IQCM: variants seen among roughly 807,000 people sequenced by gnomAD.
IQCM encodes IQ domain-containing protein M.
In IQCM, 45 loss-of-function variants were observed where a neutral mutation model predicts 57.6. The observed-to-expected ratio is 0.78, with a 90% CI of 0.62 to 1.00. The LOEUF is 1.00. Among genes scored for constraint, IQCM ranks in the 50% least tolerant of loss-of-function variants. The pLI, the probability that IQCM is intolerant of heterozygous loss-of-function variation, is 0.00. For synonymous variants in IQCM, 148 were observed against 158.9 expected, an observed-to-expected ratio of 0.93 and a Z score of 0.51; for missense variants, 468 against 511.6, an observed-to-expected ratio of 0.91 and a Z score of 0.82.
Position 149,484,035 on chromosome 4 carries a change from G to A in IQCM, c.1229-50478C>T, listed in dbSNP as rs376025493. Among the ~76,000 whole-genome samples, 29 of 151,690 alleles carry A rather than the reference G, an allele frequency of 1.9e-4. No individual in the cohort carries two copies. In the Middle Eastern group the frequency reaches 0.01, roughly 53 times the overall value. Reference sequence around the variant, plus strand: ...TCATAATGTAGTGACCTTCTTTGTCGCTTCTTACAGTTTTTGTCTTGAAAT... The same window carrying A: ...TCATAATGTAGTGACCTTCTTTGTCACTTCTTACAGTTTTTGTCTTGAAAT... On this transcript the variant is annotated intron_variant, in intron 12 of 13. Transcript: ENST00000636793.
At chr4:149,523,824 A>G (rs1745898865) in intron 12 of IQCM, among the ~76,000 whole-genome samples, 2 of 152,152 alleles carry the variant, frequency 1.3e-5, no homozygotes, top group Admixed American at 1.3e-4. Flanking sequence ...TAATATAAAG[A>G]AAAATCCAAT....
intron 2 of IQCM, among the ~76,000 whole-genome samples, chr4:149,808,413 T>C (rs888587944): frequency 1.3e-5 from 2 of 152,012 alleles, no homozygotes; most frequent in Admixed American, 6.6e-5. Flanking sequence ...ACAGAAGGGA[T>C]GAAGAAAAGT....
At chr4:149,357,354 C>T (rs982173946) in intron 13 of IQCM, among the ~76,000 whole-genome samples, 1 of 152,130 alleles carries the variant, frequency 6.6e-6, no homozygotes, top group African/African-American at 2.4e-5. Flanking sequence ...CAGTTTTTGT[C>T]CATTCAGTAT....
intron 12 of IQCM, among the ~76,000 whole-genome samples, chr4:149,484,802 C>A (rs113382853): frequency 6.6e-6 from 1 of 151,896 alleles, no homozygotes; most frequent in Admixed American, 6.6e-5. Context: ...TACCTTCAGA[C>A]GATTTTTTCT....
In IQCM at chr4:149,601,237, C is replaced by G. The variant is rs572710963; in HGVS notation, c.682-13240G>C. Reference sequence around the variant, plus strand: ...AGATTAGAATCTTTCTAACAAATTCCTAGGTGATAACAATGCTACTGACCC... The same window carrying G: ...AGATTAGAATCTTTCTAACAAATTCGTAGGTGATAACAATGCTACTGACCC... On this transcript the variant is annotated intron_variant, in intron 8 of 13. Transcript: ENST00000636793. Among the ~76,000 whole-genome samples, 236 of 151,012 alleles carry G rather than the reference C, an allele frequency of 1.6e-3. 1 individual carries two copies. The highest frequency in any genetic ancestry group is 5.6e-3 in the African/African-American group (229 of 41,118).
At chr4:149,406,478 G>GGAAAA (rs1433858457) in intron 13 of IQCM, among the ~76,000 whole-genome samples, 1 of 152,088 alleles carries the variant, frequency 6.6e-6, no homozygotes, top group African/African-American at 2.4e-5. Flanking sequence ...AGGGAGCATG[G>GGAAAA]GAAAAGCAAG....
intron 12 of IQCM, among the ~76,000 whole-genome samples, chr4:149,485,132 G>T (rs1057507862): frequency 2.6e-5 from 4 of 151,792 alleles, no homozygotes; most frequent in Non-Finnish European, 5.9e-5. Flanking sequence ...TGATACTTTT[G>T]GGATCCTTTA....
At chr4:149,714,544 T>A (rs543017404) in intron 5 of IQCM, among the ~76,000 whole-genome samples, 263 of 152,266 alleles carry the variant, frequency 1.7e-3, no homozygotes, top group African/African-American at 5.2e-3. Flanking sequence ...TATCTGAGGG[T>A]GGATACATTG....
chr4:149,685,952 G>A (rs1004591755), intron 6 of IQCM, among the ~76,000 whole-genome samples: 1 of 151,520 alleles, frequency 6.6e-6, no homozygotes, highest in Non-Finnish European at 1.5e-5. Context: ...ATGTTCTGTA[G>A]AACCAGTGTC....
At chr4:149,441,841 C>T (rs867618237) in intron 12 of IQCM, among the ~76,000 whole-genome samples, 13 of 152,100 alleles carry the variant, frequency 8.5e-5, no homozygotes, top group Middle Eastern at 3.2e-3. Context: ...GCAGTATTGA[C>T]AGGTGGGACT....
intron 3 of IQCM, among the ~76,000 whole-genome samples, chr4:149,736,757 A>T (rs910858142): frequency 6.6e-6 from 1 of 152,214 alleles, no homozygotes; most frequent in Non-Finnish European, 1.5e-5. Context: ...AAAATAGCAT[A>T]ATCAGTTTGG....
At chr4:149,486,762 A>G (rs1054560066) in intron 12 of IQCM, among the ~76,000 whole-genome samples, 1 of 151,998 alleles carries the variant, frequency 6.6e-6, no homozygotes, top group Non-Finnish European at 1.5e-5. Context: ...CAAACAAACA[A>G]AAAAGCCCAA....
chr4:149,690,403 T>C (rs1164729445), intron 5 of IQCM, among the ~76,000 whole-genome samples: 9 of 149,414 alleles, frequency 6.0e-5, no homozygotes, highest in Admixed American at 4.7e-4. Context: ...AATGATACAA[T>C]GGACTTTGGG....
chr4:149,789,324 T>G (rs1772361216), intron 2 of IQCM, among the ~76,000 whole-genome samples: 1 of 152,152 alleles, frequency 6.6e-6, no homozygotes, highest in Admixed American at 6.5e-5. Context: ...TCAGTAATTA[T>G]AAATTCTATT....
chr4:149,563,940 T>C, intron 9 of IQCM, 50 bp from the exon 10 acceptor site: 1 of 882,166 alleles, frequency 1.1e-6, no homozygotes, highest in Non-Finnish European at 1.5e-6. Context: ...AAATTAACCT[T>C]CCACAAACAG....
At chr4:149,779,520 A>G (rs749077981) in intron 2 of IQCM, among the ~76,000 whole-genome samples, 3 of 152,174 alleles carry the variant, frequency 2.0e-5, no homozygotes, top group Non-Finnish European at 4.4e-5. Context: ...CTTTTCAATA[A>G]ATGATACTAG....
chr4:149,488,221 T>C (rs973681840), intron 12 of IQCM, among the ~76,000 whole-genome samples: 4 of 152,144 alleles, frequency 2.6e-5, no homozygotes, highest in Admixed American at 2.0e-4. Context: ...CTATGCAATA[T>C]TTATCTATTA....
intron 12 of IQCM, among the ~76,000 whole-genome samples, chr4:149,442,179 G>A (rs1736008753): frequency 6.6e-6 from 1 of 152,078 alleles, no homozygotes; most frequent in South Asian, 2.1e-4. Flanking sequence ...AAGAGCCTTT[G>A]TGTGACTAAA....
intron 12 of IQCM, among the ~76,000 whole-genome samples, chr4:149,500,144 G>A (rs916297906): frequency 6.6e-6 from 1 of 152,126 alleles, no homozygotes; most frequent in African/African-American, 2.4e-5. Context: ...CTTTCATTTA[G>A]TATTTGAAAG....
Sources: gnomAD v4.1 joint callset for allele counts (sites outside exome capture counted in the v4.1 genomes callset) on GRCh38, gnomAD v4.1.1 for gene constraint, MANE v1.5 for transcripts, NCBI Gene and HGNC (gene_info 2026-07-23, HGNC 2026-07-21) for gene names.